The following SUGT1 variants were observed in gnomAD, a reference collection of about 807,000 sequenced individuals.
SUGT1 encodes the protein protein SGT1 homolog.
In SUGT1, 15 loss-of-function variants were observed where a neutral mutation model predicts 56.1. The observed-to-expected ratio is 0.27, with a 90% CI of 0.18 to 0.41. SUGT1 has a LOEUF of 0.41. Among genes scored for constraint, SUGT1 ranks in the 10% least tolerant of loss-of-function variants. SUGT1 has a pLI of 1.00. For synonymous variants in SUGT1, 123 were observed against 128.6 expected (o/e 0.96, Z 0.30); for missense variants, 347 against 382.2 (o/e 0.91, Z 0.77).
At chr13:52,658,137 T>C (rs951510806) in intron 3 of SUGT1, 34 of 1,376,006 alleles carry the variant, frequency 2.5e-5, no homozygotes, top group Non-Finnish European at 2.8e-5. Flanking sequence ...ACATAGAAAA[T>C]GTTAATGAGA....
At chr13:52,656,677 TGAG>T (rs1268966922) in intron 2 of SUGT1, among the ~76,000 whole-genome samples, 1 of 152,210 alleles carries the variant, frequency 6.6e-6, no homozygotes, top group Non-Finnish European at 1.5e-5. Flanking sequence ...CCATGTGAGT[TGAG>T]GAGCATCTGT....
intron 10 of SUGT1, among the ~76,000 whole-genome samples, chr13:52,673,335 C>T (rs988992545): frequency 1.3e-5 from 2 of 151,602 alleles, no homozygotes; most frequent in Admixed American, 1.3e-4. Flanking sequence ...TGGCCTCAAC[C>T]TCTTGGGCTC....
intron 11 of SUGT1, among the ~76,000 whole-genome samples, chr13:52,677,115 TCTG>T (rs1292092124): frequency 1.3e-5 from 2 of 152,222 alleles, no homozygotes; most frequent in African/African-American, 4.8e-5. Flanking sequence ...ACTGCTTTCT[TCTG>T]TAACAGAAAA....
intron 12 of SUGT1, chr13:52,687,013 G>A: frequency 7.3e-6 from 1 of 136,816 alleles, no homozygotes; most frequent in Non-Finnish European, 1.5e-5. Context: ...AGAGGTTGCG[G>A]TGAGCCCAGA....
intron 12 of SUGT1, among the ~76,000 whole-genome samples, chr13:52,681,749 T>C (rs1167069451): frequency 1.3e-5 from 2 of 151,554 alleles, no homozygotes; most frequent in Non-Finnish European, 2.9e-5. Context: ...GCAAGAGTAT[T>C]GTTTGAGCCC....
chr13:52,653,236 G>C (rs1308920287), intron 2 of SUGT1, 133 bp downstream of exon 2: 1 of 1,066,688 alleles, frequency 9.4e-7, no homozygotes, highest in East Asian at 2.4e-5. Flanking sequence ...TCTCAGCTCC[G>C]GTATTGAGAT....
chr13:52,679,929 T>C, intron 11 of SUGT1, 45 bp from the exon 12 acceptor site: 1 of 1,533,242 alleles, frequency 6.5e-7, no homozygotes, highest in Non-Finnish European at 8.7e-7. Flanking sequence ...CTCGACATAA[T>C]TGAAACATGT....
At chr13:52,663,071 A>T in intron 6 of SUGT1, 25 bp from the exon 7 acceptor site, 2 of 1,604,716 alleles carry the variant, frequency 1.2e-6, no homozygotes, top group East Asian at 2.2e-5. Flanking sequence ...TTCCCTGAAA[A>T]TGTTTCCTTT....
rs749115539 is a variant in SUGT1 at position 52,680,100 on chromosome 13, A to G, written c.845A>G (p.Gln282Arg). 5 of 1,597,164 alleles carry G rather than the reference A, an allele frequency of 3.1e-6. No homozygotes were observed. In the Admixed American group the frequency reaches 5.5e-5, roughly 18 times the overall value. The change falls in exon 12 of 13, where the codon CAG becomes CGG. Residue 282 changes from glutamine to arginine, a missense_variant. Gln to Arg is a conservative substitution (Grantham distance 43). Transcript: ENST00000310528. ...EGDAALNRLF[Q>R]QIYSDGSDEV... ...GATGCAGCTTTAAACAGATTATTTC[A>G]GCAGATCTATTCAGATGGTTCTGAT... is the stretch of plus-strand genomic sequence containing the variant.
chr13:52,653,112 G>A lies in SUGT1; in HGVS notation c.96+9G>A, dbSNP rs199829049. On this transcript the variant is annotated intron_variant, in intron 2 of 12. Transcript: ENST00000310528. ...CCCAGGCGGCGTTAGAGGTGAGAGA[G>A]CCCATTTCTGCTTCCTCCACTCTTC... 1 of 1,614,102 alleles carries A rather than the reference G, an allele frequency of 6.2e-7. No homozygotes were observed. Among genetic ancestry groups the A allele is most frequent in the Non-Finnish European group, 8.5e-7 (1 of 1,180,032 alleles).
chr13:52,662,793 A>G, intron 6 of SUGT1, 91 bp downstream of exon 6: 1 of 1,337,590 alleles, frequency 7.5e-7, no homozygotes. Flanking sequence ...TTTTATCTTT[A>G]TAATTTCTTT....
At chr13:52,668,675 TAATC>T (rs926037889) in intron 10 of SUGT1, among the ~76,000 whole-genome samples, 1 of 152,110 alleles carries the variant, frequency 6.6e-6, no homozygotes, top group Non-Finnish European at 1.5e-5. Flanking sequence ...GAATTTTTAG[TAATC>T]AAGCACAAAA....
chr13:52,653,091 G>A lies in SUGT1; in HGVS notation c.84G>A (p.Gln28=), dbSNP rs929329230. ...FSDALIDEDP[Q]AALEELTKAL... is the part of the protein sequence containing the mutation. ...ATGCCCTAATCGACGAGGACCCCCA[G>A]GCGGCGTTAGAGGTGAGAGAGCCCA... is the stretch of plus-strand genomic sequence containing the variant. Residue 28 remains glutamine (Q), a synonymous_variant, in exon 2 of 13, where the codon CAG becomes CAA. Transcript: ENST00000310528. 1 of 1,614,162 alleles carries A rather than the reference G, an allele frequency of 6.2e-7. No individual in the cohort carries two copies. The highest frequency in any genetic ancestry group is 8.5e-7 in the Non-Finnish European group (1 of 1,180,044).
chr13:52,664,056 AAGTG>A lies in SUGT1; in HGVS notation c.422+4_422+7del. On this transcript the variant is annotated splice_donor_variant and splice_donor_region_variant and coding_sequence_variant and intron_variant, in exon 8 of 13. Transcript: ENST00000310528. LOFTEE classifies it high-confidence loss of function. ...CCAGTGGACTCATCAGTCAAAAATC[AAGTG>A]AGTGTTTCTTTTTCATAAAACAATG... 2 of 1,613,196 alleles carry A rather than the reference AAGTG, an allele frequency of 1.2e-6. No individual in the cohort carries two copies. The highest frequency in any genetic ancestry group is 1.3e-5 in the African/African-American group (1 of 75,032).
intron 6 of SUGT1, 134 bp from the exon 7 acceptor site, chr13:52,662,962 C>T (rs929898326): frequency 1.9e-6 from 2 of 1,026,000 alleles, no homozygotes; most frequent in Non-Finnish European, 2.8e-6. Flanking sequence ...CAAAATGAAA[C>T]CACTTTTCTT....
rs770737776 is a variant in SUGT1, at chr13:52,652,925, C to T, written c.5C>T (p.Ala2Val). 2.5e-6 allele frequency: 4 copies of T among 1,613,624 alleles called. No individual in the cohort carries two copies. Among genetic ancestry groups the T allele is most frequent in the African/African-American group, 2.7e-5 (2 of 74,928 alleles). M[A>V]AAAAGTATSQ... is the part of the protein sequence containing the mutation. ...CAGCAACAGCGACTACGAGGGATGG[C>T]GGCGGCTGCAGCAGGAACTGCAACA... Residue 2 changes from alanine to valine, a missense_variant, in exon 1 of 13, where the codon GCG becomes GTG. Transcript: ENST00000310528.
Position 52,663,122 on chromosome 13 carries a change from A to G in SUGT1, c.399+10A>G, listed in dbSNP as rs1962541727. ...CTCAGAATCTGAGGTGGTAAGTCCA[A>G]AGTTTTCATTCTTCATGTTTTTATT... On this transcript the variant is annotated intron_variant, in intron 7 of 12. Coordinates refer to ENST00000310528, the MANE Select transcript of SUGT1 (RefSeq NM_006704.5). 2 of 1,608,128 alleles carry G rather than the reference A, an allele frequency of 1.2e-6. No homozygotes were observed. Among genetic ancestry groups the G allele is most frequent in the Non-Finnish European group, 1.7e-6 (2 of 1,177,722 alleles).
chr13:52,658,843 C>T (rs1242828361), intron 4 of SUGT1, among the ~76,000 whole-genome samples: 5 of 150,104 alleles, frequency 3.3e-5, no homozygotes, highest in Non-Finnish European at 5.9e-5. Context: ...GCTATGAAAG[C>T]GCTATATCTG....
chr13:52,684,686 C>T (rs933596563), intron 12 of SUGT1, among the ~76,000 whole-genome samples: 2 of 151,688 alleles, frequency 1.3e-5, no homozygotes, highest in Admixed American at 6.6e-5. Context: ...CCACCATTCT[C>T]AGTTAATTTT....
Sources: allele counts gnomAD v4.1 joint callset (sites outside exome capture counted in the v4.1 genomes callset), GRCh38; gene constraint gnomAD v4.1.1; transcripts MANE v1.5; gene names NCBI Gene and HGNC (gene_info 2026-07-23, HGNC 2026-07-21).